The following DEUP1 variants were observed in gnomAD, a reference collection of about 807,000 sequenced individuals.
DEUP1 encodes the protein coiled-coil domain containing 67.
A neutral mutation model predicts 87.4 loss-of-function variants in DEUP1; 82 were observed. The ratio of observed to expected loss-of-function variants is 0.94; its 90% CI spans 0.78 to 1.13. The LOEUF is 1.13. Ranked by LOEUF, DEUP1 falls within the 50% of genes most tolerant of loss-of-function variation. The probability of loss-of-function intolerance (pLI) is 0.00; values close to 1 mark genes in which losing one functional copy is unlikely to be tolerated. For synonymous variants in DEUP1, 214 were observed against 222.7 expected (o/e 0.96, Z 0.35); for missense variants, 663 against 681.5 (o/e 0.97, Z 0.30).
intron 7 of DEUP1, among the ~76,000 whole-genome samples, chr11:93,374,046 A>T (rs967563673): frequency 2.6e-5 from 4 of 151,976 alleles, no homozygotes; most frequent in Admixed American, 2.6e-4. Context: ...GACGTTGAGC[A>T]TTTTTTCATG....
At chr11:93,432,253 G>A (rs2134508984) in intron 13 of DEUP1, among the ~76,000 whole-genome samples, 1 of 152,344 alleles carries the variant, frequency 6.6e-6, no homozygotes, top group African/African-American at 2.4e-5. Flanking sequence ...AAGTCACTGA[G>A]AGGTAAGAAG....
chr11:93,334,598 G>GA (rs199760127), intron 2 of DEUP1, among the ~76,000 whole-genome samples: 1,974 of 152,148 alleles, frequency 0.013, 49 homozygotes, highest in African/African-American at 0.045. Context: ...TTATATCTGG[G>GA]GAAAAGATTA....
chr11:93,420,092 C>T (rs2134469259), intron 13 of DEUP1, among the ~76,000 whole-genome samples: 1 of 152,242 alleles, frequency 6.6e-6, no homozygotes, highest in African/African-American at 2.4e-5. Context: ...GATACCAAAG[C>T]CTGGCAGAGA....
chr11:93,370,227 T>G, intron 6 of DEUP1, 41 bp downstream of exon 6: 1 of 1,040,376 alleles, frequency 9.6e-7, no homozygotes, highest in Middle Eastern at 2.3e-4. Flanking sequence ...AAAGCAGAAG[T>G]TAAATATTGG....
intron 13 of DEUP1, among the ~76,000 whole-genome samples, chr11:93,418,707 A>T (rs1371403377): frequency 6.6e-6 from 1 of 151,318 alleles, no homozygotes; most frequent in Non-Finnish European, 1.5e-5. Flanking sequence ...ACTATAAATC[A>T]TGCTGCTATA....
At chr11:93,376,006 G>T (rs1485673413) in intron 7 of DEUP1, among the ~76,000 whole-genome samples, 1 of 152,172 alleles carries the variant, frequency 6.6e-6, no homozygotes, top group Non-Finnish European at 1.5e-5. Context: ...CTGGAGTGCA[G>T]TGGTGCAGTT....
At chr11:93,395,335 T>C (rs914254004) in intron 10 of DEUP1, among the ~76,000 whole-genome samples, 1 of 152,178 alleles carries the variant, frequency 6.6e-6, no homozygotes, top group African/African-American at 2.4e-5. Flanking sequence ...CTAAAGGTTT[T>C]GAGAGCATCA....
intron 2 of DEUP1, among the ~76,000 whole-genome samples, chr11:93,349,394 C>T (rs1023124274): frequency 3.9e-5 from 5 of 126,626 alleles, no homozygotes; most frequent in Non-Finnish European, 6.6e-5. Context: ...AGAATAAACC[C>T]ACCTTGAAAC....
At chr11:93,437,364 T>A in intron 13 of DEUP1, 179 bp from the exon 14 acceptor site, 1 of 546,920 alleles carries the variant, frequency 1.8e-6, no homozygotes, top group Non-Finnish European at 3.2e-6. Flanking sequence ...ACTTAGTTCC[T>A]TGAGGATTTC....
chr11:93,334,761 A>ATAATTGGTG (rs1213435786), intron 2 of DEUP1, among the ~76,000 whole-genome samples: 2 of 152,132 alleles, frequency 1.3e-5, no homozygotes, highest in Non-Finnish European at 2.9e-5. Flanking sequence ...AGGTGTTTGT[A>ATAATTGGTG]TTTGTGCCAT....
intron 5 of DEUP1, among the ~76,000 whole-genome samples, chr11:93,368,418 G>A (rs1022378992): frequency 5.3e-5 from 8 of 152,154 alleles, no homozygotes; most frequent in African/African-American, 7.2e-5. Context: ...GAAGAAAAGC[G>A]GTTTAATTGA....
chr11:93,333,172 C>T (rs920711163), intron 2 of DEUP1, among the ~76,000 whole-genome samples: 2 of 152,174 alleles, frequency 1.3e-5, no homozygotes, highest in African/African-American at 4.8e-5. Context: ...TAAATATATT[C>T]GAGTACAGTC....
chr11:93,404,482 C>T (rs1393017095), intron 11 of DEUP1, among the ~76,000 whole-genome samples: 1 of 151,934 alleles, frequency 6.6e-6, no homozygotes, highest in Non-Finnish European at 1.5e-5. Flanking sequence ...AAAATTAGTA[C>T]CCTTACAATG....
Position 93,364,164 on chromosome 11 carries a change from C to T in DEUP1, c.302C>T (p.Ser101Phe). The T allele has an allele frequency of 6.3e-7, 1 of 1,577,962 alleles. No homozygotes were observed. Among genetic ancestry groups the T allele is most frequent in the Non-Finnish European group, 8.7e-7 (1 of 1,153,508 alleles). The change falls in exon 5 of 14, where the codon TCC becomes TTC. Residue 101 changes from serine (S) to phenylalanine (F), a missense_variant. Physicochemically the swap from Ser to Phe is radical, Grantham distance 155. Transcript: ENST00000298050. Reference sequence around the variant, plus strand: ...AACATTTTCTGTGATTTACAGTTTTCCAAACTAACAAATAACTTTGAAAAA... The same window carrying T: ...AACATTTTCTGTGATTTACAGTTTTTCAAACTAACAAATAACTTTGAAAAA... The part of the protein sequence containing the change: ...GQLQSLKAQF[S>F]KLTNNFEKLR...
rs747001357 is a variant in DEUP1 at position 93,383,618 on chromosome 11, G to T, written c.790-1780G>T. 10 of 665,940 alleles carry T rather than the reference G, an allele frequency of 1.5e-5. No individual in the cohort carries two copies. In the African/African-American group the frequency reaches 1.6e-4, roughly 11 times the overall value. The allele number at this position is 665,940 out of a possible 1,614,324, so 41.3% of individuals were successfully genotyped here. ...TAAATGGGCGAATTTATGGTATGTG[G>T]ATTATATTTCAATGAATATTATTAA... On this transcript the variant is annotated intron_variant, in intron 7 of 13. Coordinates refer to ENST00000298050, the MANE Select transcript of DEUP1 (RefSeq NM_181645.4).
intron 13 of DEUP1, among the ~76,000 whole-genome samples, chr11:93,428,598 T>C (rs1001715255): frequency 6.6e-6 from 1 of 151,994 alleles, no homozygotes; most frequent in African/African-American, 2.4e-5. Context: ...AGTATAATAA[T>C]AATAAAATTA....
chr11:93,360,328 A>G (rs952875442), intron 4 of DEUP1, among the ~76,000 whole-genome samples: 2 of 152,184 alleles, frequency 1.3e-5, no homozygotes, highest in Admixed American at 6.5e-5. Flanking sequence ...TCAGAGGAGG[A>G]CTGCTAAAAC....
intron 13 of DEUP1, among the ~76,000 whole-genome samples, chr11:93,432,345 A>G (rs1472029774): frequency 6.6e-6 from 1 of 152,176 alleles, no homozygotes; most frequent in African/African-American, 2.4e-5. Flanking sequence ...ATACAAATGG[A>G]TGTGGAATAA....
At chr11:93,343,870 C>A (rs1398364884) in intron 2 of DEUP1, among the ~76,000 whole-genome samples, 2 of 151,818 alleles carry the variant, frequency 1.3e-5, no homozygotes, top group Non-Finnish European at 1.5e-5. Context: ...AGGTTTATAC[C>A]TTATCCATGT....
Sources: allele counts gnomAD v4.1 joint callset (sites outside exome capture counted in the v4.1 genomes callset), GRCh38; gene constraint gnomAD v4.1.1; transcripts MANE v1.5; gene names NCBI Gene and HGNC (gene_info 2026-07-23, HGNC 2026-07-21).